FASTKD3: variants seen among roughly 807,000 people sequenced by gnomAD.
FASTKD3 encodes the protein FAST kinase domain-containing protein 3, mitochondrial.
FASTKD3 carries 47 observed loss-of-function variants against 49.7 expected under a neutral mutation model. The observed-to-expected ratio is 0.95, with a 90% CI of 0.75 to 1.21. The LOEUF is 1.21. Ranked by LOEUF, FASTKD3 falls within the 50% of genes most tolerant of loss-of-function variation. The pLI is 0.00. For synonymous variants in FASTKD3, 284 were observed against 288.6 expected (o/e 0.98, Z 0.16); for missense variants, 748 against 765.7 (o/e 0.98, Z 0.27).
intron 3 of FASTKD3, among the ~76,000 whole-genome samples, chr5:7,863,856 G>C (rs372542993): frequency 6.6e-6 from 1 of 151,674 alleles, no homozygotes; most frequent in African/African-American, 2.4e-5. Flanking sequence ...GTTTGTTTTT[G>C]TTTTTGTTTC....
rs760818288 is a variant in FASTKD3 at position 7,859,505 on chromosome 5, C to T, written c.1919G>A (p.Arg640Lys). 5 of 1,605,712 alleles carry T rather than the reference C, an allele frequency of 3.1e-6. No individual in the cohort carries two copies. Among genetic ancestry groups the T allele is most frequent in the Non-Finnish European group, 4.3e-6 (5 of 1,176,052 alleles). ...PYHEIGMLKS[R>K]RELVEYLQRK... ...TTGTAAATATTCCACCAATTCACGT[C>T]TTGATTTTAGCATCCCAATCTCATG... Residue 640 changes from arginine (R) to lysine (K), a missense_variant, in exon 7 of 7, where the codon AGA becomes AAA. By Grantham distance (26) the Arg-to-Lys change is conservative. This residue lies in a region of FASTKD3 where 178 missense variants were observed against 182.2 expected (regional missense o/e 0.98). Coordinates refer to ENST00000264669, the MANE Select transcript of FASTKD3 (RefSeq NM_024091.4).
rs1315894722 is a variant in FASTKD3 at position 7,859,498 on chromosome 5, T to C, written c.1926A>G (p.Glu642=). 15 of 1,607,050 alleles carry C rather than the reference T, an allele frequency of 9.3e-6. No homozygotes were observed. The highest frequency in any genetic ancestry group is 2.2e-5 in the South Asian group (2 of 89,768). ...HEIGMLKSRR[E]LVEYLQRKLF... is the part of the protein sequence containing the mutation. ...GTTTTCTTTGTAAATATTCCACCAA[T>C]TCACGTCTTGATTTTAGCATCCCAA... The change falls in exon 7 of 7, where the codon GAA becomes GAG. Residue 642 remains glutamate, a synonymous_variant. Coordinates refer to ENST00000264669, the MANE Select transcript of FASTKD3 (RefSeq NM_024091.4).
At chr5:7,865,842 T>G (rs1024255923) in intron 3 of FASTKD3, 56 bp downstream of exon 3, 67 of 1,359,820 alleles carry the variant, frequency 4.9e-5, no homozygotes, top group Non-Finnish European at 5.7e-5. Flanking sequence ...GTAAAGGAAC[T>G]TAAAAGGAAA....
At position 7,866,718 on chromosome 5, in the gene FASTKD3, A is replaced by T. The variant is rs773681025; in HGVS notation, c.1366T>A (p.Ser456Thr). ...KSLLKLLHSC[S>T]LNECHPVNFL... ...TTGACTGGATGGCATTCATTAAGTG[A>T]ACATGAATGAAGAAGTTTCAATAAT... Residue 456 changes from serine (S) to threonine (T), a missense_variant, in exon 2 of 7, where the codon TCA (serine) becomes ACA (threonine). By Grantham distance (58) the Ser-to-Thr change is moderately conservative. Transcript: ENST00000264669. 2.5e-6 allele frequency: 4 copies of T among 1,613,464 alleles called. No individual in the cohort carries two copies. In the South Asian group the frequency reaches 4.4e-5, roughly 18 times the overall value.
intron 3 of FASTKD3, among the ~76,000 whole-genome samples, chr5:7,864,987 T>G (rs1029661333): frequency 6.6e-6 from 1 of 152,144 alleles, no homozygotes; most frequent in East Asian, 1.9e-4. Context: ...GCATCAATAG[T>G]AGAATAAACA....
chr5:7,865,635 G>C (rs528848534), intron 3 of FASTKD3, among the ~76,000 whole-genome samples: 1 of 152,146 alleles, frequency 6.6e-6, no homozygotes, highest in Non-Finnish European at 1.5e-5. Context: ...CCTTCAGAGA[G>C]AATGGAGAAA....
At chr5:7,860,226 A>G (rs542130413) in intron 6 of FASTKD3, among the ~76,000 whole-genome samples, 1 of 152,324 alleles carries the variant, frequency 6.6e-6, no homozygotes, top group East Asian at 1.9e-4. Context: ...AAGATGGAGA[A>G]AAAAGTCAGC....
At position 7,868,967 on chromosome 5, in the gene FASTKD3, G is replaced by A. The variant is rs750255332; in HGVS notation, c.-114+12C>T. 7 of 788,022 alleles carry A rather than the reference G, an allele frequency of 8.9e-6. No individual in the cohort carries two copies. The highest frequency in any genetic ancestry group is 5.1e-5 in the East Asian group (2 of 39,338). 48.8% of individuals were successfully genotyped at this position (788,022 alleles called of 1,614,324 possible). On this transcript the variant is annotated intron_variant, in intron 1 of 6. Coordinates refer to ENST00000264669, the MANE Select transcript of FASTKD3 (RefSeq NM_024091.4). ...CGGACCAACTGCGCGGAGACCCCGC[G>A]TTGACACCTACCGCGCTCTGCCGGG... is the stretch of plus-strand genomic sequence containing the variant.
chr5:7,867,560 T>G lies in FASTKD3; in HGVS notation c.524A>C (p.Asn175Thr). ...TTGCAAAGCAGTCACTAAACTAGTGTTTGACAGCTGTGAGGGCTCCTTTTC... is the reference window on the plus strand; with the variant it reads ...TTGCAAAGCAGTCACTAAACTAGTGGTTGACAGCTGTGAGGGCTCCTTTTC... The part of the protein sequence containing the change: ...QFEKEPSQLS[N>T]TSLVTALQAL... The change falls in exon 2 of 7, where the codon AAC (asparagine) becomes ACC (threonine). Residue 175 changes from asparagine to threonine, a missense_variant. Asn to Thr is a moderately conservative substitution (Grantham distance 65). This residue lies in a region of FASTKD3 where 564 missense variants were observed against 562.8 expected (regional missense o/e 1.00). Coordinates refer to ENST00000264669, the MANE Select transcript of FASTKD3 (RefSeq NM_024091.4). 1 of 1,614,240 alleles carries G rather than the reference T, an allele frequency of 6.2e-7. No homozygotes were observed. Among genetic ancestry groups the G allele is most frequent in the Non-Finnish European group, 8.5e-7 (1 of 1,180,048 alleles).
intron 5 of FASTKD3, 27 bp from the exon 6 acceptor site, chr5:7,861,290 C>T: frequency 7.7e-7 from 1 of 1,304,744 alleles, no homozygotes; most frequent in South Asian, 1.6e-5. Context: ...GAGAAAAATA[C>T]TTAATTTTTT....
chr5:7,868,563 G>A (rs1747241885), intron 1 of FASTKD3, among the ~76,000 whole-genome samples: 1 of 152,142 alleles, frequency 6.6e-6, no homozygotes, highest in Non-Finnish European at 1.5e-5. Context: ...AATTAGGCGA[G>A]GTTAGAGCAA....
In FASTKD3 at chr5:7,867,060, T is replaced by C. The variant is rs770040059; in HGVS notation, c.1024A>G (p.Ile342Val). The C allele has an allele frequency of 5.6e-6, 9 of 1,614,046 alleles. No homozygotes were observed. In the Admixed American group the frequency reaches 1.5e-4, roughly 27 times the overall value. Residue 342 changes from isoleucine (I) to valine (V), a missense_variant, in exon 2 of 7, where the codon ATA becomes GTA. Transcript: ENST00000264669. ...AATGTGTCATGGTGCCCAAAATATA[T>C]GAACGCCTCCAAGACTCTCCTAAGC... The part of the protein sequence containing the change: ...EELRRVLEAF[I>V]YFGHHDTFFT...
intron 4 of FASTKD3, 27 bp from the exon 5 acceptor site, chr5:7,861,679 C>A: frequency 6.3e-7 from 1 of 1,598,398 alleles, no homozygotes; most frequent in South Asian, 1.1e-5. Flanking sequence ...GGAAAAATTC[C>A]TCGTGTGATA....
At chr5:7,863,490 T>C (rs1008240206) in intron 3 of FASTKD3, among the ~76,000 whole-genome samples, 3 of 152,226 alleles carry the variant, frequency 2.0e-5, no homozygotes, top group Non-Finnish European at 4.4e-5. Flanking sequence ...TGAAGCATTC[T>C]GGATTTCAAA....
At chr5:7,860,903 C>A (rs762212734) in intron 6 of FASTKD3, among the ~76,000 whole-genome samples, 6 of 152,130 alleles carry the variant, frequency 3.9e-5, no homozygotes, top group Non-Finnish European at 7.3e-5. Context: ...TCAAACAAGG[C>A]AGCAAGAATA....
chr5:7,860,119 A>C (rs1429344325), intron 6 of FASTKD3, among the ~76,000 whole-genome samples: 2 of 152,128 alleles, frequency 1.3e-5, no homozygotes, highest in Non-Finnish European at 2.9e-5. Context: ...AGATGTAGAG[A>C]AGTTTTTACT....
Position 7,861,178 on chromosome 5 carries a change from G to A in FASTKD3, c.1855C>T (p.Leu619=), listed in dbSNP as rs772526339. 5.0e-6 allele frequency: 8 copies of A among 1,611,192 alleles called. No individual in the cohort carries two copies. Among genetic ancestry groups the A allele is most frequent in the Admixed American group, 1.7e-5 (1 of 59,898 alleles). Residue 619 remains leucine, a synonymous_variant, in exon 6 of 7, where the codon CTA becomes TTA. Coordinates refer to ENST00000264669, the MANE Select transcript of FASTKD3 (RefSeq NM_024091.4). ...LGKEAIKQRH[L]QLLGYQVVQI... is the part of the protein sequence containing the mutation. ...ACAACTTGATAACCGAGTAACTGTA[G>A]GTGTCTTTGTTTAATAGCTTCTTTC...
intron 4 of FASTKD3, 65 bp from the exon 5 acceptor site, chr5:7,861,717 CAT>C (rs1244423452): frequency 1.3e-6 from 2 of 1,556,968 alleles, no homozygotes; most frequent in Non-Finnish European, 1.7e-6. Context: ...TTCCTGTATT[CAT>C]TCCTTTGCTT....
intron 3 of FASTKD3, 42 bp downstream of exon 3, chr5:7,865,856 C>T: frequency 1.4e-6 from 2 of 1,439,826 alleles, no homozygotes; most frequent in Non-Finnish European, 9.8e-7. Context: ...AAGGAAACTG[C>T]ACCCATGGGG....
Sources: gnomAD v4.1 joint callset for allele counts (sites outside exome capture counted in the v4.1 genomes callset) on GRCh38, gnomAD v4.1.1 for gene constraint, gnomAD v4.1.1 regional missense constraint, MANE v1.5 for transcripts, NCBI Gene and HGNC (gene_info 2026-07-23, HGNC 2026-07-21) for gene names.